The following COMMD10 variants were observed in gnomAD, a reference collection of about 807,000 sequenced individuals.
The protein encoded by COMMD10 is COMM domain-containing protein 10.
In COMMD10, 33 loss-of-function variants were observed where a neutral mutation model predicts 28.9. The observed-to-expected ratio is 1.14, with a 90% CI of 0.87 to 1.53. The LOEUF (loss-of-function observed/expected upper bound fraction) is 1.53. Among genes scored for constraint, COMMD10 ranks in the 40% most tolerant of loss-of-function variants. The pLI, the probability that COMMD10 is intolerant of heterozygous loss-of-function variation, is 0.00. For synonymous variants in COMMD10, 110 were observed against 81.7 expected, an observed-to-expected ratio of 1.35 and a Z score of -1.87; for missense variants, 310 against 233.4, an observed-to-expected ratio of 1.33 and a Z score of -2.14.
chr5:116,134,074 A>G lies in COMMD10; in HGVS notation c.406A>G (p.Thr136Ala). ...CTGCACCTGTCTTTTATAGCTAGAGACCGTTGGATGGCAGCTTAACCTTCA... is the reference window on the plus strand; with the variant it reads ...CTGCACCTGTCTTTTATAGCTAGAGGCCGTTGGATGGCAGCTTAACCTTCA... Reference protein sequence around the residue: ...QRILAPCKLETVGWQLNLQMA... With the variant: ...QRILAPCKLEAVGWQLNLQMA... The change falls in exon 5 of 7, where the codon ACC (threonine) becomes GCC (alanine). Residue 136 changes from threonine to alanine, a missense_variant. Thr to Ala is a moderately conservative substitution (Grantham distance 58, BLOSUM62 0). Transcript: ENST00000274458. 2.5e-6 allele frequency: 4 copies of G among 1,578,640 alleles called. No individual in the cohort carries two copies. In the South Asian group the frequency reaches 3.3e-5, roughly 13 times the overall value.
At chr5:116,120,582 G>T (rs1015996202) in intron 4 of COMMD10, among the ~76,000 whole-genome samples, 2 of 151,954 alleles carry the variant, frequency 1.3e-5, no homozygotes, top group African/African-American at 4.8e-5. Flanking sequence ...GTCCCTTACT[G>T]CCCTAACCTA....
At chr5:116,216,503 A>C (rs1241950129) in intron 5 of COMMD10, among the ~76,000 whole-genome samples, 1 of 152,116 alleles carries the variant, frequency 6.6e-6, no homozygotes, top group Non-Finnish European at 1.5e-5. Flanking sequence ...GATGTTACAC[A>C]TGTCTAGCAT....
chr5:116,217,912 C>T (rs1368257080), intron 5 of COMMD10: 1 of 650,604 alleles, frequency 1.5e-6, no homozygotes, highest in African/African-American at 1.8e-5. Flanking sequence ...AACAGCATAG[C>T]TCAAAAAAAA....
At chr5:116,212,388 C>T (rs551008133) in intron 5 of COMMD10, among the ~76,000 whole-genome samples, 1 of 152,086 alleles carries the variant, frequency 6.6e-6, no homozygotes, top group East Asian at 1.9e-4. Flanking sequence ...CAGTGGTAGT[C>T]CTTCTGTATT....
chr5:116,167,626 C>T (rs372242151), intron 5 of COMMD10, among the ~76,000 whole-genome samples: 23 of 152,222 alleles, frequency 1.5e-4, no homozygotes, highest in African/African-American at 4.6e-4. Context: ...AGACTAACAG[C>T]GGATCTCTCG....
chr5:116,142,726 T>C (rs1752232796), intron 5 of COMMD10, among the ~76,000 whole-genome samples: 2 of 151,782 alleles, frequency 1.3e-5, no homozygotes, highest in South Asian at 4.1e-4. Flanking sequence ...TAAACTTTTG[T>C]ATTACTTTAG....
At chr5:116,154,012 AC>A (rs948056306) in intron 5 of COMMD10, among the ~76,000 whole-genome samples, 16 of 152,216 alleles carry the variant, frequency 1.1e-4, no homozygotes, top group African/African-American at 3.4e-4. Flanking sequence ...TAGCCACTCA[AC>A]CACAATAAAA....
chr5:116,239,054 G>A (rs942131144), intron 5 of COMMD10, among the ~76,000 whole-genome samples: 1 of 152,092 alleles, frequency 6.6e-6, no homozygotes, highest in African/African-American at 2.4e-5. Flanking sequence ...TGAAGAGCTC[G>A]ATGAAGTTCT....
At chr5:116,231,403 G>C (rs552703562) in intron 5 of COMMD10, among the ~76,000 whole-genome samples, 2 of 152,178 alleles carry the variant, frequency 1.3e-5, no homozygotes, top group East Asian at 3.9e-4. Flanking sequence ...GTTAACTTTG[G>C]AGAACAAAAA....
chr5:116,159,103 A>C (rs935148608), intron 5 of COMMD10, among the ~76,000 whole-genome samples: 1 of 152,182 alleles, frequency 6.6e-6, no homozygotes, highest in Non-Finnish European at 1.5e-5. Flanking sequence ...TGTTCTCATA[A>C]TAGTCATACT....
At chr5:116,159,847 G>T (rs1169282482) in intron 5 of COMMD10, among the ~76,000 whole-genome samples, 1 of 152,152 alleles carries the variant, frequency 6.6e-6, no homozygotes, top group African/African-American at 2.4e-5. Flanking sequence ...AATTTATTAA[G>T]ATTGAAACTT....
intron 4 of COMMD10, among the ~76,000 whole-genome samples, chr5:116,107,181 C>G (rs567622000): frequency 1.3e-5 from 2 of 152,036 alleles, no homozygotes; most frequent in African/African-American, 4.8e-5. Context: ...CGAGGAGTAT[C>G]TTTGCGGTGT....
chr5:116,130,618 G>A (rs1751833358), intron 4 of COMMD10, among the ~76,000 whole-genome samples: 1 of 151,936 alleles, frequency 6.6e-6, no homozygotes, highest in East Asian at 1.9e-4. Flanking sequence ...GTTTTTCTGA[G>A]ACAAGTTTCT....
At chr5:116,169,260 C>T (rs147329720) in intron 5 of COMMD10, among the ~76,000 whole-genome samples, 442 of 152,188 alleles carry the variant, frequency 2.9e-3, no homozygotes, top group African/African-American at 0.01. Flanking sequence ...GAAATGGATA[C>T]ATTCCTGTAC....
chr5:116,242,025 C>G (rs190353815), intron 5 of COMMD10, among the ~76,000 whole-genome samples: 4 of 152,116 alleles, frequency 2.6e-5, no homozygotes, highest in Admixed American at 2.0e-4. Flanking sequence ...AAAGGCAGAC[C>G]TATGTCACCT....
rs114924669 is a variant in COMMD10 at position 116,148,258 on chromosome 5, T to C, written c.510+14080T>C. Among the ~76,000 whole-genome samples, 4 of 152,022 alleles carry C rather than the reference T, an allele frequency of 2.6e-5. No individual in the cohort carries two copies. In the East Asian group the frequency reaches 5.8e-4, roughly 22 times the overall value. ...TCAGGGATTAACATGTTTAGACATA[T>C]AGTTTAGAATGTCTTTTAAAACTAT... On this transcript the variant is annotated intron_variant, in intron 5 of 6. Coordinates refer to ENST00000274458, the MANE Select transcript of COMMD10 (RefSeq NM_016144.4).
At chr5:116,184,170 A>C (rs941709602) in intron 5 of COMMD10, among the ~76,000 whole-genome samples, 2 of 151,970 alleles carry the variant, frequency 1.3e-5, no homozygotes, top group Non-Finnish European at 2.9e-5. Context: ...TACCATAATA[A>C]CACGTAGAAA....
At chr5:116,213,027 A>G (rs1475813393) in intron 5 of COMMD10, among the ~76,000 whole-genome samples, 2 of 152,026 alleles carry the variant, frequency 1.3e-5, no homozygotes, top group Non-Finnish European at 2.9e-5. Context: ...TAGGGATTTA[A>G]TAAGTATGTT....
rs537786572 is a variant in COMMD10, at chr5:116,092,556, C to T, written c.255C>T (p.His85=). 1.3e-6 allele frequency: 2 copies of T among 1,596,706 alleles called. No individual in the cohort carries two copies. Among genetic ancestry groups the T allele is most frequent in the South Asian group, 2.3e-5 (2 of 87,278 alleles). ...TTTCTTTTTAATAGGCAGTGTATCA[C>T]AATGTGAAGCCAGCAGCTTTGCAGC... ...ISFILEQAVY[H]NVKPAALQQQ... is the part of the protein sequence containing the mutation. The change falls in exon 4 of 7, where the codon CAC becomes CAT. Residue 85 remains histidine, a synonymous_variant. Coordinates refer to ENST00000274458, the MANE Select transcript of COMMD10 (RefSeq NM_016144.4).
Sources: allele counts gnomAD v4.1 joint callset (sites outside exome capture counted in the v4.1 genomes callset), GRCh38; gene constraint gnomAD v4.1.1; transcripts MANE v1.5; gene names NCBI Gene and HGNC (gene_info 2026-07-23, HGNC 2026-07-21).